PRSS53: variants seen among roughly 807,000 people sequenced by gnomAD.
The protein encoded by PRSS53 is EDTP308.
PRSS53 carries 54 observed loss-of-function variants against 62.7 expected under a neutral mutation model. The ratio of observed to expected loss-of-function variants is 0.86; its 90% CI spans 0.69 to 1.08. The LOEUF is 1.08. PRSS53 is among the 50% of genes least tolerant of loss of function. PRSS53 has a pLI of 0.00. For synonymous variants in PRSS53, 273 were observed against 300.0 expected (o/e 0.91, Z 0.93); for missense variants, 688 against 728.3 (o/e 0.94, Z 0.64).
At chr16:31,084,052 C>T (rs192462257) in intron 10 of PRSS53, 67 bp downstream of exon 10, 263 of 1,526,404 alleles carry the variant, frequency 1.7e-4, no homozygotes, top group Non-Finnish European at 2.0e-4. Context: ...TAGAACGGCA[C>T]GTTCTCACTG....
At chr16:31,083,738 ATGCCATT>A (rs1257344310) in exon 11 of PRSS53, 15 of 1,613,854 alleles carry the variant, frequency 9.3e-6, no homozygotes, top group Non-Finnish European at 1.3e-5. Flanking sequence ...AGGGGCAGTA[ATGCCATT>A]TGCCTGCCTG....
intron 3 of PRSS53, 172 bp downstream of exon 3, chr16:31,087,365 A>G: frequency 1.6e-6 from 1 of 621,376 alleles, no homozygotes; most frequent in South Asian, 2.0e-5. Flanking sequence ...ATCTTCTACC[A>G]TGAAAGGTGG....
exon 3 of PRSS53, chr16:31,087,687 C>T (rs1451859737): frequency 1.2e-5 from 20 of 1,612,446 alleles, no homozygotes; most frequent in African/African-American, 4.0e-5. Context: ...GCCGGGGCCA[C>T]GCTGTCCACA....
exon 5 of PRSS53, chr16:31,086,429 A>G (rs2057234307): frequency 2.5e-6 from 4 of 1,614,098 alleles, no homozygotes; most frequent in Non-Finnish European, 2.5e-6. Flanking sequence ...AGCTGGTTGT[A>G]GATACAGTTA....
chr16:31,083,526 A>G, exon 11 of PRSS53: 1 of 1,379,144 alleles, frequency 7.3e-7, no homozygotes, highest in East Asian at 2.9e-5. Flanking sequence ...GGCTGGCGTG[A>G]TTGTATCTGA....
Position 31,086,053 on chromosome 16 carries a change from CTG to C in PRSS53, c.792_793del (p.His264GlnfsTer25), listed in dbSNP as rs753667433. 5 of 1,613,874 alleles carry C rather than the reference CTG, an allele frequency of 3.1e-6. No homozygotes were observed. In the African/African-American group the frequency reaches 6.7e-5, roughly 22 times the overall value. The stretch of plus-strand genomic sequence containing the variant: ...CTGAACTCGAGCCTGCAGCCAGGAA[CTG>C]TGAGCAGCTGTGTTGGTCAGCAGCA... On this transcript the variant is annotated frameshift_variant, in exon 6 of 11. Transcript: ENST00000280606. LOFTEE classifies it high-confidence loss of function.
chr16:31,084,603 C>T (rs764379033), exon 9 of PRSS53: 63 of 1,606,780 alleles, frequency 3.9e-5, no homozygotes, highest in Middle Eastern at 2.0e-4. Context: ...ACACCATCCC[C>T]GGCAGAATAG....
rs751243117 is a variant in PRSS53, at chr16:31,087,798, G to C, written c.79+8C>G. On this transcript the variant is annotated splice_region_variant and intron_variant, in intron 2 of 10. Transcript: ENST00000280606. ...GTAAGACCTAGGCCCCGTGTCCCCA[G>C]ACCTTACCACGCTGAGCGGCTTGAA... 47 of 1,614,044 alleles carry C rather than the reference G, an allele frequency of 2.9e-5. No homozygotes were observed. The South Asian group carries it at 5.1e-4, about 17-fold the overall frequency.
exon 10 of PRSS53, chr16:31,084,176 A>G: frequency 6.2e-7 from 1 of 1,605,554 alleles, no homozygotes; most frequent in Non-Finnish European, 8.5e-7. Context: ...TCGGCGAAGT[A>G]GACCTGCCAG....
intron 9 of PRSS53, 78 bp downstream of exon 9, chr16:31,084,480 T>C: frequency 6.5e-7 from 1 of 1,531,204 alleles, no homozygotes; most frequent in Middle Eastern, 2.2e-4. Flanking sequence ...AGGCCAAGCC[T>C]GGAAGGTCCG....
intron 6 of PRSS53, 31 bp downstream of exon 6, chr16:31,085,933 T>C (rs1400248214): frequency 1.3e-6 from 2 of 1,582,212 alleles, no homozygotes; most frequent in Non-Finnish European, 1.7e-6. Context: ...CACAGTGGCT[T>C]CTGCCCACTC....
intron 1 of PRSS53, 124 bp from the exon 2 acceptor site, chr16:31,087,950 C>A (rs1315918721): frequency 1.3e-6 from 2 of 1,548,488 alleles, no homozygotes; most frequent in Non-Finnish European, 1.7e-6. Flanking sequence ...ACCTTACCAG[C>A]CCCTCCCAGA....
intron 1 of PRSS53, chr16:31,088,551 G>A: frequency 1.4e-6 from 2 of 1,433,196 alleles, no homozygotes; most frequent in Admixed American, 2.7e-5. Flanking sequence ...AACGCAAACT[G>A]CAGCTGGCCC....
At chr16:31,086,649 A>T in exon 4 of PRSS53, 1 of 1,540,020 alleles carries the variant, frequency 6.5e-7, no homozygotes, top group Non-Finnish European at 8.8e-7. Context: ...TGGTGTCCTG[A>T]TCCCAGCCAG....
Position 31,084,975 on chromosome 16 carries a change from C to A in PRSS53, c.1084G>T (p.Glu362Ter). Residue 362 changes from glutamate to a stop codon, truncating the protein, a stop_gained, in exon 8 of 11, where the codon GAG (glutamate) becomes TAG (stop). Coordinates refer to ENST00000280606, the Ensembl canonical transcript of PRSS53. LOFTEE classifies it high-confidence loss of function. ...AGGATGAGCTGCTTCAGGCCCCACT[C>A]CTCCGGTCTGGTCCCCAGCCCTACG... 6.4e-7 allele frequency: 1 copy of A among 1,565,626 alleles called. No homozygotes were observed.
chr16:31,088,489 C>T, intron 1 of PRSS53: 1 of 1,362,790 alleles, frequency 7.3e-7, no homozygotes, highest in African/African-American at 1.5e-5. Flanking sequence ...GAGGCAGGCA[C>T]AGGACACACG....
chr16:31,088,159 TAG>T, intron 1 of PRSS53: 1 of 1,291,256 alleles, frequency 7.7e-7, no homozygotes, highest in African/African-American at 1.5e-5. Context: ...CCTGTGTGTG[TAG>T]AGAGCATTAG....
chr16:31,085,442 G>A (rs977364462), intron 6 of PRSS53, among the ~76,000 whole-genome samples, 182 bp from the exon 7 acceptor site: 5 of 152,130 alleles, frequency 3.3e-5, no homozygotes, highest in African/African-American at 9.7e-5. Flanking sequence ...CTTGCGATTC[G>A]CAAGCCAGGG....
Position 31,084,978 on chromosome 16 carries a change from C to A in PRSS53, c.1081G>T (p.Glu361Ter). 6.4e-7 allele frequency: 1 copy of A among 1,566,384 alleles called. No homozygotes were observed. The highest frequency in any genetic ancestry group is 2.3e-5 in the East Asian group (1 of 43,696). The change falls in exon 8 of 11, where the codon GAG becomes TAG. Residue 361 changes from glutamate to a stop codon, truncating the protein, a stop_gained. Transcript: ENST00000280606. LOFTEE classifies it high-confidence loss of function. ...ATGAGCTGCTTCAGGCCCCACTCCT[C>A]CGGTCTGGTCCCCAGCCCTACGCTC...
Sources: allele counts gnomAD v4.1 joint callset (sites outside exome capture counted in the v4.1 genomes callset), GRCh38; gene constraint gnomAD v4.1.1; transcripts MANE v1.5; gene names NCBI Gene and HGNC (gene_info 2026-07-23, HGNC 2026-07-21).